The following NLRP12 variants were observed in gnomAD, a reference collection of about 807,000 sequenced individuals.
The protein encoded by NLRP12 is NLR family pyrin domain containing 12.
NLRP12 carries 108 observed loss-of-function variants against 91.2 expected under a neutral mutation model. The ratio of observed to expected loss-of-function variants is 1.18; its 90% CI spans 1.01 to 1.39. The LOEUF is 1.39. NLRP12 is among the 40% of genes most tolerant of loss of function. The pLI, the probability that NLRP12 is intolerant of heterozygous loss-of-function variation, is 0.00. For synonymous variants in NLRP12, 613 were observed against 566.7 expected (o/e 1.08, Z -1.16); for missense variants, 1,530 against 1,352.7 (o/e 1.13, Z -2.06).
chr19:53,810,046 T>G lies in NLRP12; in HGVS notation c.1613A>C (p.Asp538Ala), dbSNP rs1423226829. 6.2e-7 allele frequency: 1 copy of G among 1,614,132 alleles called. No individual in the cohort carries two copies. Among genetic ancestry groups the G allele is most frequent in the Non-Finnish European group, 8.5e-7 (1 of 1,180,012 alleles). The change falls in exon 3 of 10, where the codon GAC becomes GCC. Residue 538 changes from aspartate to alanine, a missense_variant. Physicochemically the swap from Asp to Ala is moderately radical, Grantham distance 126. Coordinates refer to ENST00000324134, the MANE Select transcript of NLRP12 (RefSeq NM_144687.4). Reference sequence around the variant, plus strand: ...GGTCAACAGCCTGGTCACGTCCTGGTCTGGGCCTGCCCCGCCCTCCCCCTC... The same window carrying G: ...GGTCAACAGCCTGGTCACGTCCTGGGCTGGGCCTGCCCCGCCCTCCCCCTC... The part of the protein sequence containing the change: ...LDEGEGGAGP[D>A]QDVTRLLTEY...
intron 1 of NLRP12, 93 bp downstream of exon 1, chr19:53,823,793 G>T: frequency 1.4e-6 from 2 of 1,392,110 alleles, no homozygotes; most frequent in Non-Finnish European, 2.0e-6. Context: ...CAAGTGATCT[G>T]CCCTCTTCAG....
rs1201692516 is a variant in NLRP12 at position 53,796,902 on chromosome 19, G to A, written c.2928-873C>T. Among the ~76,000 whole-genome samples, 5 of 33,926 alleles carry A rather than the reference G, an allele frequency of 1.5e-4. No homozygotes were observed. The South Asian group carries it at 4.0e-3, about 27-fold the overall frequency. 22.3% of individuals were successfully genotyped at this position (33,926 alleles called of 152,430 possible). On this transcript the variant is annotated intron_variant, in intron 8 of 9. Transcript: ENST00000324134. ...CCAGCTACTCGGGAGGCTGAGGCAG[G>A]AATTGCTTGAACCCGGGAGGTGGAG...
At chr19:53,823,335 T>TA (rs2092288331) in intron 1 of NLRP12, among the ~76,000 whole-genome samples, 12 of 137,136 alleles carry the variant, frequency 8.8e-5, no homozygotes, top group African/African-American at 3.3e-4. Flanking sequence ...ATACTATATT[T>TA]ATATATAATA....
At chr19:53,803,125 T>A (rs1328800698) in intron 6 of NLRP12, among the ~76,000 whole-genome samples, 2 of 152,024 alleles carry the variant, frequency 1.3e-5, no homozygotes, top group African/African-American at 2.4e-5. Context: ...TGACTGTGGC[T>A]CAGTGGCATG....
chr19:53,815,563 T>C (rs1021385005), intron 1 of NLRP12, among the ~76,000 whole-genome samples: 8 of 151,184 alleles, frequency 5.3e-5, no homozygotes, highest in African/African-American at 1.9e-4. Flanking sequence ...TCTGAGTCAG[T>C]CTGGACTCCT....
At chr19:53,822,650 T>C (rs925392322) in intron 1 of NLRP12, among the ~76,000 whole-genome samples, 1 of 150,662 alleles carries the variant, frequency 6.6e-6, no homozygotes, top group East Asian at 2.0e-4. Flanking sequence ...AGGCAGAAAA[T>C]TGCTTGAACC....
chr19:53,798,214 C>G, intron 8 of NLRP12, 29 bp downstream of exon 8: 1 of 1,613,690 alleles, frequency 6.2e-7, no homozygotes, highest in Non-Finnish European at 8.5e-7. Flanking sequence ...AACGTGACCA[C>G]TGCCACCCCG....
Position 53,798,326 on chromosome 19 carries a change from C to G in NLRP12, c.2844G>C (p.Leu948Phe), listed in dbSNP as rs1269084802. 1.2e-6 allele frequency: 2 copies of G among 1,614,202 alleles called. No homozygotes were observed. The highest frequency in any genetic ancestry group is 1.7e-6 in the Non-Finnish European group (2 of 1,180,038). Residue 948 changes from leucine (L) to phenylalanine (F), a missense_variant, in exon 8 of 10, where the codon TTG becomes TTC. Physicochemically the swap from Leu to Phe is conservative, Grantham distance 22 (BLOSUM62 0). Transcript: ENST00000324134. ...QANHNLRELD[L>F]SFNDLGDWGL... is the part of the protein sequence containing the mutation. ...CCCAGTCTCCCAGGTCGTTGAAACTCAAGTCCAGCTCCCGGAGGTTGTGGT... is the reference window on the plus strand; with the variant it reads ...CCCAGTCTCCCAGGTCGTTGAAACTGAAGTCCAGCTCCCGGAGGTTGTGGT...
In NLRP12 at chr19:53,804,063, G is replaced by T. The variant is rs1467572548; in HGVS notation, c.2474C>A (p.Thr825Asn). The change falls in exon 6 of 10, where the codon ACC becomes AAC. Residue 825 changes from threonine to asparagine, a missense_variant. Physicochemically the swap from Thr to Asn is moderately conservative, Grantham distance 65. Transcript: ENST00000324134. Reference sequence around the variant, plus strand: ...GTCCAACTCAACCAGATGTGGGTTGGTGCCGAGCACAGAAGCCATCTCCTG... The same window carrying T: ...GTCCAACTCAACCAGATGTGGGTTGTTGCCGAGCACAGAAGCCATCTCCTG... ...ACQEMASVLG[T>N]NPHLVELDLT... 6.2e-7 allele frequency: 1 copy of T among 1,614,050 alleles called. No individual in the cohort carries two copies. Among genetic ancestry groups the T allele is most frequent in the Non-Finnish European group, 8.5e-7 (1 of 1,180,002 alleles).
At chr19:53,807,368 T>C (rs2091976672) in intron 4 of NLRP12, 127 bp downstream of exon 4, 1 of 936,080 alleles carries the variant, frequency 1.1e-6, no homozygotes, top group Non-Finnish European at 1.6e-6. Context: ...GCACCTGGCT[T>C]TGTGACACTT....
intron 8 of NLRP12, among the ~76,000 whole-genome samples, chr19:53,797,122 C>A (rs1477018436): frequency 1.4e-5 from 2 of 140,082 alleles, no homozygotes; most frequent in Non-Finnish European, 1.5e-5. Context: ...TTACAGAGCA[C>A]CAGATTGAAT....
At chr19:53,820,634 A>G (rs894132731) in intron 1 of NLRP12, among the ~76,000 whole-genome samples, 3 of 152,102 alleles carry the variant, frequency 2.0e-5, no homozygotes, top group African/African-American at 7.2e-5. Flanking sequence ...ACTTCAGCCC[A>G]GGAGTTTGAG....
intron 3 of NLRP12, 42 bp downstream of exon 3, chr19:53,809,545 A>G (rs2092022007): frequency 7.0e-7 from 1 of 1,426,620 alleles, no homozygotes; most frequent in South Asian, 1.2e-5. Flanking sequence ...AAAAAAACAC[A>G]CGAACCTAAG....
In NLRP12 at chr19:53,794,092, G is replaced by T. The variant is rs767070208; in HGVS notation, c.3143C>A (p.Ala1048Glu). Reference protein sequence around the residue: ...DLNKMTHSRLAALRVTKPYLD... With the variant: ...DLNKMTHSRLEALRVTKPYLD... ...ATAAGGTTTTGTTACTCGAAGCGCT[G>T]CCAACCTACTGTGGGTCATTTTATT... Residue 1048 changes from alanine (A) to glutamate (E), a missense_variant, in exon 10 of 10, where the codon GCA (alanine) becomes GAA (glutamate). Transcript: ENST00000324134. 3.1e-6 allele frequency: 5 copies of T among 1,613,812 alleles called. No individual in the cohort carries two copies. The East Asian group carries it at 1.1e-4, about 36-fold the overall frequency.
chr19:53,814,123 A>G (rs1599851998), intron 2 of NLRP12, among the ~76,000 whole-genome samples: 1 of 152,026 alleles, frequency 6.6e-6, no homozygotes, highest in Non-Finnish European at 1.5e-5. Context: ...CTGCCAGCAA[A>G]CCTGATTCTG....
rs190257698 is a variant in NLRP12, at chr19:53,802,467, G to C, written c.2586-1070C>G. ...TCACGCCTGTAATCCCAGCACTTTC[G>C]GGGGCTGAGGCGGGCGGGTCACGAG... On this transcript the variant is annotated intron_variant, in intron 6 of 9. Transcript: ENST00000324134. 4.2e-3 allele frequency among the ~76,000 whole-genome samples: 641 copies of C among 151,940 alleles called. 8 individuals are homozygous for C. Among genetic ancestry groups the C allele is most frequent in the African/African-American group, 0.015 (624 of 41,452 alleles).
intron 2 of NLRP12, among the ~76,000 whole-genome samples, chr19:53,812,881 CTTTTTTTT>C (rs35896834): frequency 8.0e-6 from 1 of 125,544 alleles, no homozygotes; most frequent in East Asian, 2.2e-4. Flanking sequence ...ATCAATATCT[CTTTTTTTT>C]TTTTTTTTTG....
In NLRP12 at chr19:53,811,211, A is replaced by T. The variant is rs746324074; in HGVS notation, c.448T>A (p.Cys150Ser). Reference protein sequence around the residue: ...MEDRNARLGECVNLSHRYTRL... With the variant: ...MEDRNARLGESVNLSHRYTRL... ...GTGTACCGGTGGCTGAGGTTGACAC[A>T]TTCCCCTAGGCGCGCATTGCGGTCT... The change falls in exon 3 of 10, where the codon TGT becomes AGT. Residue 150 changes from cysteine to serine, a missense_variant. Coordinates refer to ENST00000324134, the MANE Select transcript of NLRP12 (RefSeq NM_144687.4). 12 of 1,613,950 alleles carry T rather than the reference A, an allele frequency of 7.4e-6. No individual in the cohort carries two copies. The highest frequency in any genetic ancestry group is 9.3e-6 in the Non-Finnish European group (11 of 1,180,040).
chr19:53,822,631 G>C (rs980817656), intron 1 of NLRP12, among the ~76,000 whole-genome samples: 2 of 151,518 alleles, frequency 1.3e-5, no homozygotes, highest in African/African-American at 2.4e-5. Flanking sequence ...TCAGCTACTC[G>C]GGATGCTGAG....
Sources: allele counts gnomAD v4.1 joint callset (sites outside exome capture counted in the v4.1 genomes callset), GRCh38; gene constraint gnomAD v4.1.1; transcripts MANE v1.5; gene names NCBI Gene and HGNC (gene_info 2026-07-23, HGNC 2026-07-21).